Variants in SCAF8 observed in about 807,000 individuals in gnomAD.
The protein encoded by SCAF8 is SR-related CTD associated factor 8, also known as SR-related and CTD-associated factor 8.
A neutral mutation model predicts 140.5 loss-of-function variants in SCAF8; 23 were observed. That is an observed-to-expected ratio of 0.16 (90% CI 0.12 to 0.23). The LOEUF (loss-of-function observed/expected upper bound fraction) is 0.23. Ranked by LOEUF, SCAF8 falls within the 10% of genes least tolerant of loss-of-function variation. The pLI, the probability that SCAF8 is intolerant of heterozygous loss-of-function variation, is 1.00. For missense variants in SCAF8, 1,397 were observed against 1,555.7 expected, an observed-to-expected ratio of 0.90 and a Z score of 1.72; for synonymous variants, 575 against 528.9, an observed-to-expected ratio of 1.09 and a Z score of -1.20.
At position 154,803,545 on chromosome 6, in the gene SCAF8, A is replaced by G. The variant is rs1777830604; in HGVS notation, c.785A>G (p.Lys262Arg). The part of the protein sequence containing the change: ...PLEQGVSFNK[K>R]LMDRFDFGED... ...TCTGTTTCTCCTTCTTTCCCCCAGA[A>G]GTTGATGGATAGGTTTGATTTTGGG... The change falls in exon 8 of 20, where the codon AAG becomes AGG. Residue 262 changes from lysine to arginine, a missense_variant and splice_region_variant. By Grantham distance (26) the Lys-to-Arg change is conservative. This residue lies in a region of SCAF8 where 339 missense variants were observed against 407.5 expected (regional missense o/e 0.83). Transcript: ENST00000367178. The G allele has an allele frequency of 1.2e-6, 2 of 1,609,700 alleles. No individual in the cohort carries two copies. Among genetic ancestry groups the G allele is most frequent in the East Asian group, 2.2e-5 (1 of 44,740 alleles).
At chr6:154,777,061 G>A (rs897952722) in intron 2 of SCAF8, among the ~76,000 whole-genome samples, 1 of 152,052 alleles carries the variant, frequency 6.6e-6, no homozygotes, top group Admixed American at 6.6e-5. Context: ...CGCATCTGTA[G>A]TCCCAGCTAC....
intron 12 of SCAF8, among the ~76,000 whole-genome samples, chr6:154,811,530 T>C (rs1778089860): frequency 6.6e-6 from 1 of 152,152 alleles, no homozygotes. Context: ...ACCCGTCATC[T>C]AAGTTTTTTC....
intron 1 of SCAF8, among the ~76,000 whole-genome samples, chr6:154,759,603 T>G (rs1779048378): frequency 6.6e-6 from 1 of 151,926 alleles, no homozygotes; most frequent in Non-Finnish European, 1.5e-5. Context: ...TTTAAAAAAT[T>G]ATTTATTTTT....
At chr6:154,777,007 C>G (rs956084114) in intron 2 of SCAF8, among the ~76,000 whole-genome samples, 2 of 152,058 alleles carry the variant, frequency 1.3e-5, no homozygotes, top group African/African-American at 4.8e-5. Flanking sequence ...ATGGCGAAAC[C>G]CCGTCTCTAC....
chr6:154,794,982 T>G lies in SCAF8; in HGVS notation c.476-27T>G, dbSNP rs749514341. Reference sequence around the variant, plus strand: ...TTAGTTACTTACTTACATATTTATTTGGGGGGTGTGATGTTCTTTTTAAAA... The same window carrying G: ...TTAGTTACTTACTTACATATTTATTGGGGGGGTGTGATGTTCTTTTTAAAA... On this transcript the variant is annotated intron_variant, in intron 5 of 19. Coordinates refer to ENST00000367178, the MANE Select transcript of SCAF8 (RefSeq NM_014892.5). 7.7e-6 allele frequency: 12 copies of G among 1,565,702 alleles called. No homozygotes were observed. The South Asian group carries it at 1.3e-4, about 17-fold the overall frequency.
At chr6:154,734,570 T>A (rs1327160367) in intron 1 of SCAF8, among the ~76,000 whole-genome samples, 1 of 152,168 alleles carries the variant, frequency 6.6e-6, no homozygotes, top group Non-Finnish European at 1.5e-5. Context: ...AGACAAATGG[T>A]AGGGAGAGAT....
At chr6:154,771,798 G>A (rs1293345068) in intron 1 of SCAF8, among the ~76,000 whole-genome samples, 3 of 152,084 alleles carry the variant, frequency 2.0e-5, no homozygotes, top group African/African-American at 2.4e-5. Flanking sequence ...TGTGTGATGG[G>A]AATTTTTTGT....
chr6:154,782,222 C>T (rs147954304), intron 3 of SCAF8, among the ~76,000 whole-genome samples: 270 of 152,166 alleles, frequency 1.8e-3, no homozygotes, highest in African/African-American at 5.4e-3. Context: ...CCTGGGCAAA[C>T]GTGGCAAAAC....
At chr6:154,745,138 G>A (rs115797494) in intron 1 of SCAF8, among the ~76,000 whole-genome samples, 312 of 152,234 alleles carry the variant, frequency 2.0e-3, no homozygotes, top group African/African-American at 7.1e-3. Flanking sequence ...CTCCCTTAAT[G>A]TGAATCAATT....
intron 12 of SCAF8, among the ~76,000 whole-genome samples, chr6:154,812,355 T>C (rs1268029214): frequency 6.6e-6 from 1 of 151,506 alleles, no homozygotes; most frequent in Non-Finnish European, 1.5e-5. Flanking sequence ...ATTTTTGTTT[T>C]TAGACATAAT....
At chr6:154,803,865 C>T (rs1339911163) in intron 8 of SCAF8, among the ~76,000 whole-genome samples, 1 of 152,046 alleles carries the variant, frequency 6.6e-6, no homozygotes, top group Non-Finnish European at 1.5e-5. Flanking sequence ...ATTGGTAAAT[C>T]TGGTTGTAAT....
At chr6:154,760,983 G>A (rs950743544) in intron 1 of SCAF8, among the ~76,000 whole-genome samples, 1 of 151,304 alleles carries the variant, frequency 6.6e-6, no homozygotes, top group Non-Finnish European at 1.5e-5. Context: ...TTAAATTTTT[G>A]TAGAGGCAGG....
At chr6:154,816,133 A>C (rs756194571) in intron 13 of SCAF8, among the ~76,000 whole-genome samples, 2 of 152,150 alleles carry the variant, frequency 1.3e-5, no homozygotes, top group African/African-American at 2.4e-5. Flanking sequence ...TTTTTTTAAA[A>C]AACTGTCTCT....
intron 7 of SCAF8, among the ~76,000 whole-genome samples, chr6:154,803,148 C>T (rs1327867854): frequency 6.6e-6 from 1 of 152,030 alleles, no homozygotes; most frequent in African/African-American, 2.4e-5. Flanking sequence ...CATAAAAAGC[C>T]TTTAAATTGA....
At position 154,805,412 on chromosome 6, in the gene SCAF8, A is replaced by C; in HGVS notation, c.907A>C (p.Ile303Leu). The change falls in exon 9 of 20, where the codon ATA becomes CTA. Residue 303 changes from isoleucine to leucine, a missense_variant. Physicochemically the swap from Ile to Leu is conservative, Grantham distance 5. Around this residue, in one of 5 missense-constraint regions of SCAF8, gnomAD observed 339 missense variants for 407.5 expected, o/e 0.83. Coordinates refer to ENST00000367178, the MANE Select transcript of SCAF8 (RefSeq NM_014892.5). ...ESVNNSIFHQ[I>L]AEQLQQQNLE... ...TGTGAACAATTCCATTTTTCATCAG[A>C]TAGCAGAACAACTACAACAGCAAAA... is the stretch of plus-strand genomic sequence containing the variant. 6.2e-7 allele frequency: 1 copy of C among 1,612,126 alleles called. No homozygotes were observed. The highest frequency in any genetic ancestry group is 1.1e-5 in the South Asian group (1 of 90,866).
At chr6:154,757,178 A>G (rs932622478) in intron 1 of SCAF8, among the ~76,000 whole-genome samples, 1 of 152,142 alleles carries the variant, frequency 6.6e-6, no homozygotes, top group Non-Finnish European at 1.5e-5. Flanking sequence ...TATTTTTACT[A>G]GAGATGGGGT....
intron 17 of SCAF8, among the ~76,000 whole-genome samples, chr6:154,825,942 A>AAT (rs1043738465): frequency 1.2e-4 from 18 of 152,102 alleles, no homozygotes; most frequent in African/African-American, 3.4e-4. Flanking sequence ...AGGTCAAAAC[A>AAT]ATATATATAT....
chr6:154,771,553 G>A (rs1776767508), intron 1 of SCAF8, among the ~76,000 whole-genome samples: 1 of 152,168 alleles, frequency 6.6e-6, no homozygotes. Flanking sequence ...ATTTTAAGGG[G>A]GGTGGGTAGT....
intron 3 of SCAF8, among the ~76,000 whole-genome samples, chr6:154,784,145 ATATATATATATATT>A (rs1368568627): frequency 7.6e-5 from 6 of 79,012 alleles, no homozygotes; most frequent in African/African-American, 2.4e-4. Context: ...ATATATATAT[ATATATATATATATT>A]TATTTATTTA....
Sources: allele counts gnomAD v4.1 joint callset (sites outside exome capture counted in the v4.1 genomes callset), GRCh38; gene constraint gnomAD v4.1.1; regional missense constraint gnomAD v4.1.1; transcripts MANE v1.5; gene names NCBI Gene and HGNC (gene_info 2026-07-23, HGNC 2026-07-21).